The following DOCK4 variants were observed in gnomAD, a reference collection of about 807,000 sequenced individuals.
DOCK4 encodes the protein dedicator of cytokinesis protein 4.
In DOCK4, 97 loss-of-function variants were observed where a neutral mutation model predicts 268.1. The observed-to-expected ratio is 0.36, with a 90% CI of 0.31 to 0.43. The LOEUF (loss-of-function observed/expected upper bound fraction) is 0.43, where lower values mean the gene tolerates loss of function less well. DOCK4 is among the 20% of genes least tolerant of loss of function. The probability of loss-of-function intolerance (pLI) is 1.00; values close to 1 mark genes in which losing one functional copy is unlikely to be tolerated. For missense variants in DOCK4, 2,145 were observed against 2,455.7 expected (o/e 0.87, Z 2.67); for synonymous variants, 954 against 887.2 (o/e 1.08, Z -1.34).
intron 1 of DOCK4, among the ~76,000 whole-genome samples, chr7:112,119,765 C>T (rs1432180189): frequency 1.3e-5 from 2 of 152,054 alleles, no homozygotes; most frequent in African/African-American, 4.8e-5. Flanking sequence ...TGGAACCCAT[C>T]TCATGCAGCT....
chr7:111,959,666 T>C (rs1473960083), intron 8 of DOCK4, among the ~76,000 whole-genome samples: 1 of 152,138 alleles, frequency 6.6e-6, no homozygotes. Context: ...TCTTGAAAAA[T>C]TTTCCTAACA....
intron 15 of DOCK4, among the ~76,000 whole-genome samples, chr7:111,896,517 T>C (rs1482949637): frequency 7.1e-6 from 1 of 141,178 alleles, no homozygotes; most frequent in East Asian, 2.1e-4. Context: ...CCTCCAAAAA[T>C]GGAGAAAGCA....
rs536316319 is a variant in DOCK4, at chr7:111,868,211, G to A, written c.2110-57C>T. 71 of 1,322,650 alleles carry A rather than the reference G, an allele frequency of 5.4e-5. No individual in the cohort carries two copies. The South Asian group carries it at 9.5e-4, about 18-fold the overall frequency. The allele number at this position is 1,322,650 out of a possible 1,614,324, so 81.9% of individuals were successfully genotyped here. ...AAAGGAGACAAAGAGTATTTATTTA[G>A]CAATGACACGGCATAAAAACCATGG... On this transcript the variant is annotated intron_variant, in intron 21 of 52. Coordinates refer to ENST00000428084, the MANE Select transcript of DOCK4 (RefSeq NM_001363540.2).
chr7:111,730,131 T>C (rs999413575), intron 52 of DOCK4, among the ~76,000 whole-genome samples: 9 of 152,254 alleles, frequency 5.9e-5, no homozygotes, highest in African/African-American at 1.9e-4. Flanking sequence ...CTGGCCCCAT[T>C]TGGCATCTGA....
chr7:112,171,377 T>A (rs11543795), intron 1 of DOCK4, among the ~76,000 whole-genome samples: 15,287 of 152,272 alleles, frequency 0.1, 955 homozygotes, highest in South Asian at 0.14. Context: ...GTCATATTTT[T>A]TTTCATTAAA....
chr7:112,151,562 A>C (rs910529451), intron 1 of DOCK4, among the ~76,000 whole-genome samples: 2 of 152,146 alleles, frequency 1.3e-5, no homozygotes, highest in Non-Finnish European at 2.9e-5. Flanking sequence ...GCTCGTCACC[A>C]GTAAGCATCT....
intron 31 of DOCK4, chr7:111,789,328 A>T (rs1563507087): frequency 6.5e-6 from 1 of 153,232 alleles, no homozygotes; most frequent in South Asian, 2.0e-4. Context: ...TGTAGTCAAA[A>T]CATTTATATT....
chr7:112,014,917 GAGAAAAGGA>G (rs1250695399), intron 1 of DOCK4, among the ~76,000 whole-genome samples: 1 of 151,970 alleles, frequency 6.6e-6, no homozygotes, highest in Admixed American at 6.6e-5. Context: ...AAGGAAGAAA[GAGAAAAGGA>G]AGAAAAGAAA....
At chr7:112,123,046 A>G (rs1812884250) in intron 1 of DOCK4, among the ~76,000 whole-genome samples, 1 of 152,236 alleles carries the variant, frequency 6.6e-6, no homozygotes, top group Non-Finnish European at 1.5e-5. Context: ...CAAAACCCCA[A>G]CTAGAGTCAG....
intron 16 of DOCK4, among the ~76,000 whole-genome samples, chr7:111,887,677 A>G (rs1293038026): frequency 1.3e-5 from 2 of 152,068 alleles, no homozygotes; most frequent in Non-Finnish European, 2.9e-5. Context: ...GAGGAAGCAG[A>G]GGCAATGAGG....
intron 1 of DOCK4, among the ~76,000 whole-genome samples, chr7:112,145,549 A>G (rs1815395192): frequency 6.6e-6 from 1 of 152,230 alleles, no homozygotes. Context: ...GGCTATTCAG[A>G]GGATGAGAAA....
intron 1 of DOCK4, among the ~76,000 whole-genome samples, chr7:112,083,527 C>G (rs573763956): frequency 2.2e-3 from 340 of 152,046 alleles, no homozygotes; most frequent in Non-Finnish European, 3.9e-3. Flanking sequence ...GGCAACATCT[C>G]TAATTCTTTT....
At chr7:111,792,551 T>C (rs1799621651) in intron 30 of DOCK4, among the ~76,000 whole-genome samples, 1 of 151,976 alleles carries the variant, frequency 6.6e-6, no homozygotes, top group Non-Finnish European at 1.5e-5. Flanking sequence ...CCCAGCTAAT[T>C]TTTGTATTTT....
chr7:112,135,218 G>GGCTT (rs1396155526), intron 1 of DOCK4, among the ~76,000 whole-genome samples: 1 of 151,970 alleles, frequency 6.6e-6, no homozygotes, highest in Non-Finnish European at 1.5e-5. Context: ...ATATGATTAA[G>GGCTT]GCTTATTGAT....
At position 111,915,868 on chromosome 7, in the gene DOCK4, A is replaced by T. The variant is rs1323674232; in HGVS notation, c.1103T>A (p.Ile368Asn). 2.5e-6 allele frequency: 4 copies of T among 1,612,486 alleles called. No homozygotes were observed. The highest frequency in any genetic ancestry group is 3.4e-6 in the Non-Finnish European group (4 of 1,179,302). ...TGAATATTCCCTTCTGATTTGTTCA[A>T]TGTCTCCGTGCAATAGCTGTAAGGA... ...AVSLQLLHGD[I>N]EQIRREYSSV... Residue 368 changes from isoleucine (I) to asparagine (N), a missense_variant, in exon 13 of 53, where the codon ATT becomes AAT. Ile to Asn is a moderately radical substitution (Grantham distance 149). Coordinates refer to ENST00000428084, the MANE Select transcript of DOCK4 (RefSeq NM_001363540.2).
chr7:112,133,855 T>G (rs1814053172), intron 1 of DOCK4, among the ~76,000 whole-genome samples: 2 of 152,206 alleles, frequency 1.3e-5, no homozygotes. Context: ...TGAACCAGTG[T>G]TTCTCAAACT....
rs143304976 is a variant in DOCK4 at position 112,035,130 on chromosome 7, G to A, written c.38-30999C>T. Among the ~76,000 whole-genome samples the A allele has an allele frequency of 4.9e-3, 739 of 152,198 alleles. 6 individuals are homozygous for A. Among genetic ancestry groups the A allele is most frequent in the African/African-American group, 0.016 (667 of 41,514 alleles). On this transcript the variant is annotated intron_variant, in intron 1 of 52. Transcript: ENST00000428084. ...CTCACACCCTTGGATTAAAAGCACTGCATTGAAGCTAACAGCCAGCCCTTA... is the reference window on the plus strand; with the variant it reads ...CTCACACCCTTGGATTAAAAGCACTACATTGAAGCTAACAGCCAGCCCTTA...
chr7:111,882,706 G>C (rs1004723423), intron 16 of DOCK4, among the ~76,000 whole-genome samples: 2 of 151,324 alleles, frequency 1.3e-5, no homozygotes, highest in African/African-American at 4.9e-5. Flanking sequence ...TCTGCCTCCC[G>C]GGTTCAAGCA....
At chr7:112,146,062 A>G (rs950996609) in intron 1 of DOCK4, among the ~76,000 whole-genome samples, 2 of 152,202 alleles carry the variant, frequency 1.3e-5, no homozygotes, top group Non-Finnish European at 2.9e-5. Flanking sequence ...GAAGCCAAGG[A>G]TCCAACATCT....
Sources: gnomAD v4.1 joint callset for allele counts (sites outside exome capture counted in the v4.1 genomes callset) on GRCh38, gnomAD v4.1.1 for gene constraint, MANE v1.5 for transcripts, NCBI Gene and HGNC (gene_info 2026-07-23, HGNC 2026-07-21) for gene names.